Variants in PHF21A observed in about 807,000 individuals in gnomAD.
The protein encoded by PHF21A is PHD finger protein 21A.
In PHF21A, 11 loss-of-function variants were observed where a neutral mutation model predicts 82.5. That is an observed-to-expected ratio of 0.13 (90% confidence interval 0.08 to 0.22). The LOEUF is 0.22. PHF21A is among the 10% of genes least tolerant of loss of function. The probability of loss-of-function intolerance (pLI) is 1.00; values close to 1 mark genes in which losing one functional copy is unlikely to be tolerated. For synonymous variants in PHF21A, 297 were observed against 302.8 expected (o/e 0.98, Z 0.20); for missense variants, 579 against 837.8 (o/e 0.69, Z 3.81).
chr11:45,957,305 T>C (rs897839537), intron 10 of PHF21A, among the ~76,000 whole-genome samples: 2 of 152,136 alleles, frequency 1.3e-5, no homozygotes, highest in African/African-American at 4.8e-5. Flanking sequence ...ATAGAAAGAA[T>C]ACTCCACTCC....
intron 6 of PHF21A, among the ~76,000 whole-genome samples, chr11:46,039,545 C>T (rs1011602165): frequency 6.6e-6 from 1 of 152,106 alleles, no homozygotes. Context: ...CAAGTGTCAG[C>T]ATGGAGAATT....
intron 5 of PHF21A, among the ~76,000 whole-genome samples, chr11:46,077,789 T>C (rs774329788): frequency 2.0e-5 from 3 of 152,228 alleles, no homozygotes; most frequent in Admixed American, 1.3e-4. Context: ...TCACCAACTA[T>C]AACAGAAATG....
At chr11:46,064,091 T>G (rs1412601369) in intron 6 of PHF21A, among the ~76,000 whole-genome samples, 1 of 152,234 alleles carries the variant, frequency 6.6e-6, no homozygotes, top group Non-Finnish European at 1.5e-5. Context: ...AGTTCATTTG[T>G]GCTTCTTGAC....
At chr11:45,998,913 C>T (rs1378704558) in intron 6 of PHF21A, among the ~76,000 whole-genome samples, 3 of 151,898 alleles carry the variant, frequency 2.0e-5, no homozygotes, top group African/African-American at 7.3e-5. Context: ...GCCTCTGACT[C>T]TTGGGTTCAA....
chr11:46,107,789 C>G (rs1439364896), intron 1 of PHF21A, among the ~76,000 whole-genome samples: 2 of 152,086 alleles, frequency 1.3e-5, no homozygotes, highest in Admixed American at 6.6e-5. Context: ...GATTATAAGG[C>G]CTTTAGTATG....
chr11:45,949,365 G>C (rs1181586161), intron 13 of PHF21A, 37 bp downstream of exon 13: 1 of 1,544,248 alleles, frequency 6.5e-7, no homozygotes, highest in Non-Finnish European at 9.0e-7. Flanking sequence ...AATAAAACTG[G>C]AACATGAGGG....
intron 6 of PHF21A, among the ~76,000 whole-genome samples, chr11:45,982,934 T>C (rs1425835804): frequency 6.6e-6 from 1 of 152,078 alleles, no homozygotes; most frequent in Admixed American, 6.6e-5. Context: ...GGAAAGGGTG[T>C]TTTTTTCTCC....
intron 1 of PHF21A, among the ~76,000 whole-genome samples, chr11:46,110,486 T>C (rs1352935395): frequency 6.6e-6 from 1 of 152,230 alleles, no homozygotes; most frequent in South Asian, 2.1e-4. Flanking sequence ...TTTCCAACTT[T>C]AGTATTTCAG....
chr11:46,068,317 C>T (rs2096618302), intron 6 of PHF21A, among the ~76,000 whole-genome samples: 1 of 152,022 alleles, frequency 6.6e-6, no homozygotes, highest in Non-Finnish European at 1.5e-5. Flanking sequence ...ATAAAGAAGT[C>T]TGAAAAGCAC....
intron 7 of PHF21A, among the ~76,000 whole-genome samples, chr11:45,977,309 G>T (rs965136559): frequency 6.6e-6 from 1 of 151,908 alleles, no homozygotes; most frequent in African/African-American, 2.4e-5. Flanking sequence ...GCTAATTTTT[G>T]TATTTTTAGT....
At chr11:46,017,322 C>T (rs978510915) in intron 6 of PHF21A, among the ~76,000 whole-genome samples, 8 of 152,120 alleles carry the variant, frequency 5.3e-5, no homozygotes. Context: ...ATAGTTCTAG[C>T]AAAGGAAAAA....
rs566588040 is a variant in PHF21A, at chr11:46,017,341, TG to T, written c.154-37376del. Among the ~76,000 whole-genome samples the T allele has an allele frequency of 7.2e-4, 109 of 152,370 alleles. 1 individual carries two copies. The highest frequency in any genetic ancestry group is 2.4e-3 in the African/African-American group (101 of 41,576). ...TTCTAGCAAAGGAAAAAATCAGATTTGTTTTTTTAGCACTCAGAACGACTAA... is the reference window on the plus strand; with the variant it reads ...TTCTAGCAAAGGAAAAAATCAGATTTTTTTTTTAGCACTCAGAACGACTAA... On this transcript the variant is annotated intron_variant, in intron 6 of 18. Coordinates refer to ENST00000676320, the MANE Select transcript of PHF21A (RefSeq NM_001352027.3).
At position 46,003,009 on chromosome 11, in the gene PHF21A, T is replaced by C. The variant is rs186668179; in HGVS notation, c.154-23043A>G. Reference sequence around the variant, plus strand: ...AAATTTTTCTAAAGATTGAATACTATGATTTCTAACTGTTTTGGATTTGCA... The same window carrying C: ...AAATTTTTCTAAAGATTGAATACTACGATTTCTAACTGTTTTGGATTTGCA... On this transcript the variant is annotated intron_variant, in intron 6 of 18. Coordinates refer to ENST00000676320, the MANE Select transcript of PHF21A (RefSeq NM_001352027.3). Among the ~76,000 whole-genome samples the C allele has an allele frequency of 1.7e-3, 256 of 152,328 alleles. 3 individuals carry two copies. Among genetic ancestry groups the C allele is most frequent in the African/African-American group, 5.8e-3 (241 of 41,590 alleles).
At chr11:46,055,244 A>AT (rs559276954) in intron 6 of PHF21A, among the ~76,000 whole-genome samples, 29 of 152,138 alleles carry the variant, frequency 1.9e-4, no homozygotes, top group East Asian at 5.8e-4. Context: ...ATTTTTAGTA[A>AT]TTTTTTTTAT....
chr11:46,020,384 G>A (rs138232116), intron 6 of PHF21A, among the ~76,000 whole-genome samples: 74 of 152,180 alleles, frequency 4.9e-4, no homozygotes, highest in African/African-American at 1.6e-3. Context: ...AACCAGGAGC[G>A]CCTGCTCTGA....
At chr11:46,097,361 A>G (rs1482678560) in intron 1 of PHF21A, among the ~76,000 whole-genome samples, 1 of 151,966 alleles carries the variant, frequency 6.6e-6, no homozygotes, top group South Asian at 2.1e-4. Flanking sequence ...CCATCTCCCT[A>G]TCGCTCAATC....
Position 46,019,326 on chromosome 11 carries a change from T to C in PHF21A, c.154-39360A>G, listed in dbSNP as rs964269969. 2.0e-5 allele frequency among the ~76,000 whole-genome samples: 3 copies of C among 152,168 alleles called. 1 individual carries two copies. The South Asian group carries it at 6.2e-4, about 31-fold the overall frequency. On this transcript the variant is annotated intron_variant, in intron 6 of 18. Transcript: ENST00000676320. The stretch of plus-strand genomic sequence containing the variant: ...CATCAAAATTAAGTATCATGTCAAA[T>C]GAATCATCTTAATTTTTTTCACTTG...
chr11:46,084,781 G>A (rs921518738), intron 3 of PHF21A, among the ~76,000 whole-genome samples: 3 of 151,440 alleles, frequency 2.0e-5, no homozygotes, highest in South Asian at 2.1e-4. Flanking sequence ...CCAGGTTCAC[G>A]CCATTCTCCT....
chr11:46,049,120 C>T (rs1401186904), intron 6 of PHF21A, among the ~76,000 whole-genome samples: 1 of 152,190 alleles, frequency 6.6e-6, no homozygotes, highest in Non-Finnish European at 1.5e-5. Flanking sequence ...ATTGTTGGGG[C>T]ATTTTCCTCC....
Sources: allele counts gnomAD v4.1 joint callset (sites outside exome capture counted in the v4.1 genomes callset), GRCh38; gene constraint gnomAD v4.1.1; transcripts MANE v1.5; gene names NCBI Gene and HGNC (gene_info 2026-07-23, HGNC 2026-07-21).